The following USP6 variants were observed in gnomAD, a reference collection of about 807,000 sequenced individuals.
The protein encoded by USP6 is ubiquitin specific peptidase 6.
USP6 carries 128 observed loss-of-function variants against 175.7 expected under a neutral mutation model. That is an observed-to-expected ratio of 0.73 (90% CI 0.63 to 0.84). USP6 has a LOEUF of 0.84. Ranked by LOEUF, USP6 falls within the 40% of genes least tolerant of loss-of-function variation. The pLI, the probability that USP6 is intolerant of heterozygous loss-of-function variation, is 0.00. For missense variants in USP6, 1,498 were observed against 1,760.3 expected, an observed-to-expected ratio of 0.85 and a Z score of 2.67; for synonymous variants, 562 against 630.6, an observed-to-expected ratio of 0.89 and a Z score of 1.63.
At chr17:5,153,152 A>G (rs2073810518) in intron 30 of USP6, among the ~76,000 whole-genome samples, 1 of 152,242 alleles carries the variant, frequency 6.6e-6, no homozygotes, top group East Asian at 1.9e-4. Context: ...TTAGAATAAT[A>G]GTTACCTTTG....
intron 25 of USP6, among the ~76,000 whole-genome samples, chr17:5,143,701 C>T (rs2073522620): frequency 6.6e-6 from 1 of 151,804 alleles, no homozygotes; most frequent in African/African-American, 2.4e-5. Context: ...CACTATTGTC[C>T]CATGACCCTG....
At chr17:5,126,894 A>G (rs1329947323) in intron 6 of USP6, 1 of 152,458 alleles carries the variant, frequency 6.6e-6, no homozygotes, top group South Asian at 2.1e-4. Flanking sequence ...TGGGCGCCCC[A>G]CGCTCCAGGA....
chr17:5,148,692 A>G lies in USP6; in HGVS notation c.2568A>G (p.Gly856=). The change falls in exon 30 of 38, where the codon GGA becomes GGG. Residue 856 remains glycine (G), a synonymous_variant. Coordinates refer to ENST00000574788, the MANE Select transcript of USP6 (RefSeq NM_001304284.2). ...PCGTEKNFTN[G]MVNGHMPSLP... is the part of the protein sequence containing the mutation. ...GAACTGAGAAGAACTTCACAAATGG[A>G]ATGGTTAATGGTCACATGCCATCTC... The G allele has an allele frequency of 6.2e-7, 1 of 1,613,920 alleles. No homozygotes were observed. Among genetic ancestry groups the G allele is most frequent in the East Asian group, 2.2e-5 (1 of 44,864 alleles).
chr17:5,152,604 A>G (rs2073797991), intron 30 of USP6, among the ~76,000 whole-genome samples: 1 of 152,230 alleles, frequency 6.6e-6, no homozygotes, highest in African/African-American at 2.4e-5. Context: ...ATATATTAAG[A>G]TAAAAGAACA....
chr17:5,131,497 C>T (rs1018465475), intron 11 of USP6, among the ~76,000 whole-genome samples: 7 of 149,098 alleles, frequency 4.7e-5, no homozygotes, highest in African/African-American at 1.7e-4. Flanking sequence ...GGCTGTTGTC[C>T]AGCAGGTCTC....
chr17:5,148,863 TTC>T (rs1356554135), intron 30 of USP6, 96 bp downstream of exon 30: 2 of 1,503,944 alleles, frequency 1.3e-6, no homozygotes, highest in East Asian at 2.4e-5. Flanking sequence ...ATGCATTTTC[TTC>T]TCTTTTTTCT....
In USP6 at chr17:5,139,606, G is replaced by T; in HGVS notation, c.1430G>T (p.Cys477Phe). 1 of 1,613,392 alleles carries T rather than the reference G, an allele frequency of 6.2e-7. No individual in the cohort carries two copies. Among genetic ancestry groups the T allele is most frequent in the Non-Finnish European group, 8.5e-7 (1 of 1,180,000 alleles). The change falls in exon 22 of 38, where the codon TGC becomes TTC. Residue 477 changes from cysteine (C) to phenylalanine (F), a missense_variant. By Grantham distance (205) the Cys-to-Phe change is radical. This residue lies in a region of USP6 where 1,217 missense variants were observed against 1,500.8 expected (regional missense o/e 0.81). Coordinates refer to ENST00000574788, the MANE Select transcript of USP6 (RefSeq NM_001304284.2). ...CCCCATTATGATTTTGAATGGAGCT[G>T]CTGGGTCCGTGCCATATCCCAGGAG... ...WFPHYDFEWS[C>F]WVRAISQEDQ...
At chr17:5,159,212 G>C (rs1229165604) in intron 31 of USP6, among the ~76,000 whole-genome samples, 1 of 152,172 alleles carries the variant, frequency 6.6e-6, no homozygotes, top group Admixed American at 6.6e-5. Flanking sequence ...TTAGAATAGG[G>C]ATGTTTGAAT....
chr17:5,133,649 G>GCAC, intron 14 of USP6, 99 bp downstream of exon 14: 1 of 879,782 alleles, frequency 1.1e-6, no homozygotes, highest in Non-Finnish European at 1.8e-6. Flanking sequence ...TGGGGGGGTG[G>GCAC]GAGGGGATGG....
In USP6 at chr17:5,150,582, C is replaced by T. The variant is rs564959391; in HGVS notation, c.2643+1815C>T. The stretch of plus-strand genomic sequence containing the variant: ...CAATCTCGGTTCACTGCAGCCTCCA[C>T]CTCCTGGGTTCAAGCAATTCTCCTG... On this transcript the variant is annotated intron_variant, in intron 30 of 37. Transcript: ENST00000574788. Among the ~76,000 whole-genome samples the T allele has an allele frequency of 4.0e-5, 6 of 151,506 alleles. No homozygotes were observed. In the South Asian group the frequency reaches 1.3e-3, roughly 32 times the overall value.
At chr17:5,164,469 C>T (rs1461125090) in intron 33 of USP6, among the ~76,000 whole-genome samples, 1 of 152,216 alleles carries the variant, frequency 6.6e-6, no homozygotes, top group Non-Finnish European at 1.5e-5. Context: ...TTTGTTAGCA[C>T]AAAATCTGAC....
At chr17:5,171,853 A>G (rs547264945) in intron 37 of USP6, among the ~76,000 whole-genome samples, 174 bp downstream of exon 37, 10 of 152,252 alleles carry the variant, frequency 6.6e-5, no homozygotes, top group Non-Finnish European at 1.0e-4. Flanking sequence ...GAATGAAAAC[A>G]TGAGTAGTGA....
chr17:5,169,755 A>T (rs2074173717), intron 35 of USP6, among the ~76,000 whole-genome samples: 1 of 151,956 alleles, frequency 6.6e-6, no homozygotes, highest in Non-Finnish European at 1.5e-5. Flanking sequence ...AATGATTTTC[A>T]TAAAAATACT....
chr17:5,158,022 G>T (rs1388769204), intron 31 of USP6, among the ~76,000 whole-genome samples: 1 of 152,174 alleles, frequency 6.6e-6, no homozygotes, highest in Non-Finnish European at 1.5e-5. Flanking sequence ...GGCAAGAAAA[G>T]ACAGGAATCA....
At chr17:5,162,707 A>G (rs1477477971) in intron 32 of USP6, among the ~76,000 whole-genome samples, 177 bp from the exon 33 acceptor site, 2 of 152,214 alleles carry the variant, frequency 1.3e-5, no homozygotes, top group African/African-American at 4.8e-5. Context: ...CCCTGAAATG[A>G]TAATAATTAT....
intron 2 of USP6, among the ~76,000 whole-genome samples, chr17:5,118,830 C>T (rs2072588789): frequency 6.6e-6 from 1 of 152,196 alleles, no homozygotes; most frequent in Non-Finnish European, 1.5e-5. Flanking sequence ...GAAAGTCTGG[C>T]CATCTCTCTC....
intron 30 of USP6, among the ~76,000 whole-genome samples, chr17:5,152,568 G>A (rs1348101004): frequency 6.6e-6 from 1 of 152,320 alleles, no homozygotes; most frequent in East Asian, 1.9e-4. Context: ...ATGTCCATTA[G>A]TTGTAGAAGG....
intron 31 of USP6, among the ~76,000 whole-genome samples, chr17:5,155,892 C>G (rs1442006635): frequency 6.6e-6 from 1 of 152,176 alleles, no homozygotes; most frequent in East Asian, 1.9e-4. Context: ...CTTCCATTCT[C>G]TAATCTTTTG....
At chr17:5,149,678 T>A (rs2073710603) in intron 30 of USP6, among the ~76,000 whole-genome samples, 1 of 152,024 alleles carries the variant, frequency 6.6e-6, no homozygotes, top group Non-Finnish European at 1.5e-5. Context: ...TTTGGAAAAG[T>A]TTTTTGTTTT....
Sources: gnomAD v4.1 joint callset for allele counts (sites outside exome capture counted in the v4.1 genomes callset) on GRCh38, gnomAD v4.1.1 for gene constraint, gnomAD v4.1.1 regional missense constraint, MANE v1.5 for transcripts, NCBI Gene and HGNC (gene_info 2026-07-23, HGNC 2026-07-21) for gene names.